The following CLUH variants were observed in gnomAD, a reference collection of about 807,000 sequenced individuals.
CLUH encodes CLUH binding protein of NUMT mRNA.
In CLUH, 77 loss-of-function variants were observed where a neutral mutation model predicts 139.3. The observed-to-expected ratio is 0.55, with a 90% CI of 0.46 to 0.67. The LOEUF (loss-of-function observed/expected upper bound fraction) is 0.67. Ranked by LOEUF, CLUH falls within the 30% of genes least tolerant of loss-of-function variation. The pLI is 0.00. For synonymous variants in CLUH, 999 were observed against 801.6 expected (o/e 1.25, Z -4.16); for missense variants, 1,876 against 1,875.8 (o/e 1.00, Z 0.00).
rs781728255 is a variant in CLUH, at chr17:2,701,983, C to T, written c.550G>A (p.Asp184Asn). 3.1e-6 allele frequency: 5 copies of T among 1,613,870 alleles called. No individual in the cohort carries two copies. The South Asian group carries it at 3.3e-5, about 11-fold the overall frequency. ...RDLLKSLDPS[D>N]AFNGVDCNSL... ...TTGCAGTCAACCCCGTTGAAGGCATCGGATGGGTCCAGGCTCTTGAGCAGG... is the reference window on the plus strand; with the variant it reads ...TTGCAGTCAACCCCGTTGAAGGCATTGGATGGGTCCAGGCTCTTGAGCAGG... Residue 184 changes from aspartate to asparagine, a missense_variant, in exon 4 of 26, where the codon GAT (aspartate) becomes AAT (asparagine). Asp to Asn is a conservative substitution (Grantham distance 23). Around this residue, in one of 3 missense-constraint regions of CLUH, gnomAD observed 270 missense variants for 354.7 expected, o/e 0.76. Coordinates refer to ENST00000651024, the MANE Select transcript of CLUH (RefSeq NM_001366661.1).
Position 2,694,567 on chromosome 17 carries a change from G to T in CLUH, c.2853-3C>A. ...CCACAGCCTGGTCCACGGTCTCACTGAGGAGGGAGCAGGGGGCCTGAGCAG... is the reference window on the plus strand; with the variant it reads ...CCACAGCCTGGTCCACGGTCTCACTTAGGAGGGAGCAGGGGGCCTGAGCAG... On this transcript the variant is annotated splice_region_variant and splice_polypyrimidine_tract_variant and intron_variant, in intron 16 of 25. Transcript: ENST00000651024. 1 of 1,571,662 alleles carries T rather than the reference G, an allele frequency of 6.4e-7. No homozygotes were observed.
rs1336772468 is a variant in CLUH at position 2,707,195 on chromosome 17, T to C, written c.101-2631A>G. On this transcript the variant is annotated intron_variant, in intron 1 of 25. Coordinates refer to ENST00000651024, the MANE Select transcript of CLUH (RefSeq NM_001366661.1). The surrounding 1 kb of genome is among the most constrained non-coding windows in gnomAD (Gnocchi z 7.4). ...CACCTGGTGCAGTTGGCAGCTGCCC[T>C]CCCCTCGGCTCTGGAGTCTCAGGAT... 2.0e-6 allele frequency: 2 copies of C among 985,212 alleles called. No homozygotes were observed. The highest frequency in any genetic ancestry group is 2.3e-4 in the East Asian group (2 of 8,812). The allele number at this position is 985,212 out of a possible 1,614,324, so 61.0% of individuals were successfully genotyped here. A position where few individuals can be genotyped will look rare whatever the true frequency, so the allele number is the denominator to read the frequency against.
chr17:2,698,868 A>AC (rs2070073222), intron 9 of CLUH, among the ~76,000 whole-genome samples: 1 of 151,884 alleles, frequency 6.6e-6, no homozygotes, highest in Admixed American at 6.6e-5. Context: ...ATATGGTGAA[A>AC]CCCCATCTCT....
At chr17:2,701,096 C>T in intron 7 of CLUH, 44 bp downstream of exon 7, 1 of 1,612,824 alleles carries the variant, frequency 6.2e-7, no homozygotes, top group Non-Finnish European at 8.5e-7. Context: ...CACCCCATGC[C>T]CCCGTGTGCC....
rs369972919 is a variant in CLUH, at chr17:2,698,131, C to A, written c.1726G>T (p.Asp576Tyr). 3.1e-6 allele frequency: 5 copies of A among 1,589,678 alleles called. No homozygotes were observed. The South Asian group carries it at 5.7e-5, about 18-fold the overall frequency. ...LKILRHQVLN[D>Y]RDEEVELCSS... ...CAGAGCTCCACCTCCTCGTCACGGT[C>A]GTTGAGCACCTGGTGCCGCAGGATC... is the stretch of plus-strand genomic sequence containing the variant. Residue 576 changes from aspartate to tyrosine, a missense_variant, in exon 10 of 26, where the codon GAC becomes TAC. Around this residue, in one of 3 missense-constraint regions of CLUH, gnomAD observed 1,454 missense variants for 1,384.4 expected, o/e 1.05. Transcript: ENST00000651024.
chr17:2,691,465 G>C (rs2069629685), intron 25 of CLUH, 144 bp downstream of exon 25: 1 of 784,872 alleles, frequency 1.3e-6, no homozygotes, highest in African/African-American at 1.7e-5. Flanking sequence ...GGGAGGCTGA[G>C]GCAGGAGAAT....
In CLUH at chr17:2,701,949, G is replaced by A; in HGVS notation, c.584C>T (p.Ser195Phe). 1 of 1,613,988 alleles carries A rather than the reference G, an allele frequency of 6.2e-7. No homozygotes were observed. Among genetic ancestry groups the A allele is most frequent in the Non-Finnish European group, 8.5e-7 (1 of 1,179,910 alleles). ...GCCGTCGGTGAAGACACTCAGGAAG[G>A]ACAAGGAGTTGCAGTCAACCCCGTT... The part of the protein sequence containing the change: ...AFNGVDCNSL[S>F]FLSVFTDGDL... The change falls in exon 4 of 26, where the codon TCC (serine) becomes TTC (phenylalanine). Residue 195 changes from serine (S) to phenylalanine (F), a missense_variant. Physicochemically the swap from Ser to Phe is radical, Grantham distance 155. Transcript: ENST00000651024.
Position 2,707,572 on chromosome 17 carries a change from C to G in CLUH, c.101-3008G>C. On this transcript the variant is annotated intron_variant, in intron 1 of 25. Coordinates refer to ENST00000651024, the MANE Select transcript of CLUH (RefSeq NM_001366661.1). The surrounding 1 kb of genome is among the most constrained non-coding windows in gnomAD (Gnocchi z 7.4). ...AAGCCGCTAGGGGGATCGGAGAACC[C>G]AGAATTTGGGGTACCTGGACCCCTC... 1 of 985,372 alleles carries G rather than the reference C, an allele frequency of 1.0e-6. No individual in the cohort carries two copies. Among genetic ancestry groups the G allele is most frequent in the South Asian group, 4.7e-5 (1 of 21,288 alleles). 61.0% of individuals were successfully genotyped at this position (985,372 alleles called of 1,614,324 possible). A position where few individuals can be genotyped will look rare whatever the true frequency, so the allele number is the denominator to read the frequency against.
chr17:2,698,328 G>A lies in CLUH; in HGVS notation c.1529C>T (p.Thr510Met), dbSNP rs781287655. The A allele has an allele frequency of 1.9e-6, 3 of 1,613,050 alleles. No individual in the cohort carries two copies. The highest frequency in any genetic ancestry group is 2.5e-6 in the Non-Finnish European group (3 of 1,179,738). The change falls in exon 10 of 26, where the codon ACG becomes ATG. Residue 510 changes from threonine to methionine, a missense_variant. Around this residue, in one of 3 missense-constraint regions of CLUH, gnomAD observed 1,454 missense variants for 1,384.4 expected, o/e 1.05. Transcript: ENST00000651024. ...VDVEGLYTLG[T>M]VVVDYRGYRV... ...GTAGCCGCGGTAATCCACCACCACC[G>A]TGCCCAGCGTGTACAGCCCCTCCAC...
chr17:2,705,267 G>A (rs989437048), intron 1 of CLUH, among the ~76,000 whole-genome samples: 3 of 151,886 alleles, frequency 2.0e-5, no homozygotes, highest in African/African-American at 4.8e-5. Context: ...ACCCACCCAC[G>A]GGACCCGGCC....
intron 25 of CLUH, among the ~76,000 whole-genome samples, chr17:2,691,263 G>A (rs549021548): frequency 3.4e-4 from 52 of 152,314 alleles, no homozygotes; most frequent in African/African-American, 1.1e-3. Context: ...CGAGGATGCT[G>A]GGGAAGATAA....
chr17:2,702,719 G>A lies in CLUH; in HGVS notation c.475+599C>T, dbSNP rs539491736. ...CCTCCCCACTCTAGGGCTAGGAAAC[G>A]TTTGGGACTTCTCATGGATCTCTAC... is the stretch of plus-strand genomic sequence containing the variant. On this transcript the variant is annotated intron_variant, in intron 3 of 25. Coordinates refer to ENST00000651024, the MANE Select transcript of CLUH (RefSeq NM_001366661.1). Among the ~76,000 whole-genome samples the A allele has an allele frequency of 2.1e-4, 32 of 151,762 alleles. No individual in the cohort carries two copies. In the South Asian group the frequency reaches 2.9e-3, roughly 14 times the overall value.
chr17:2,698,622 G>A (rs775491651), intron 9 of CLUH, 32 bp from the exon 10 acceptor site: 8 of 1,525,470 alleles, frequency 5.2e-6, no homozygotes, highest in South Asian at 1.2e-5. Context: ...AGGGTTAGAG[G>A]CCGCGCCCAC....
In CLUH at chr17:2,694,968, T is replaced by G; in HGVS notation, c.2741A>C (p.Asn914Thr). ...VSKKRNKRRK[N>T]RPPGAADNTA... ...GTTATCTGCAGCCCCCGGGGGCCGG[T>G]TTTTCCTCCTCTTATTCCGCTTCTT... The change falls in exon 16 of 26, where the codon AAC (asparagine) becomes ACC (threonine). Residue 914 changes from asparagine (N) to threonine (T), a missense_variant. Coordinates refer to ENST00000651024, the MANE Select transcript of CLUH (RefSeq NM_001366661.1). 3.1e-6 allele frequency: 5 copies of G among 1,612,764 alleles called. No homozygotes were observed. Among genetic ancestry groups the G allele is most frequent in the Non-Finnish European group, 3.4e-6 (4 of 1,179,484 alleles).
At chr17:2,694,796 A>T in intron 16 of CLUH, 61 bp downstream of exon 16, 1 of 1,460,054 alleles carries the variant, frequency 6.8e-7, no homozygotes, top group Non-Finnish European at 9.1e-7. Context: ...ATCTGGGAGC[A>T]GGTGGTGGCC....
At chr17:2,691,543 A>G in intron 25 of CLUH, 66 bp downstream of exon 25, 1 of 1,493,210 alleles carries the variant, frequency 6.7e-7, no homozygotes, top group Non-Finnish European at 9.2e-7. Flanking sequence ...CCCGGGTGAC[A>G]GGGCGAGACT....
At position 2,700,747 on chromosome 17, in the gene CLUH, G is replaced by T; in HGVS notation, c.1104C>A (p.Ala368=). Residue 368 remains alanine (A), a synonymous_variant, in exon 8 of 26, where the codon GCC becomes GCA. Coordinates refer to ENST00000651024, the MANE Select transcript of CLUH (RefSeq NM_001366661.1). The stretch of plus-strand genomic sequence containing the variant: ...CGTCCTCTGCACGCACGCAATCCAT[G>T]GCATGCTCCGCCTGGGGGGCTGTCC... ...YSWTAPQAEH[A]MDCVRAEDAY... The T allele has an allele frequency of 1.3e-6, 2 of 1,545,800 alleles. No homozygotes were observed. Among genetic ancestry groups the T allele is most frequent in the Non-Finnish European group, 1.7e-6 (2 of 1,151,620 alleles).
At position 2,706,556 on chromosome 17, in the gene CLUH, C is replaced by T. The variant is rs1019986979; in HGVS notation, c.101-1992G>A. ...GACTCCCAGGAACCACGAGGATGTA[C>T]AAAGACCTCCCTTCCAGGATCCAAC... is the stretch of plus-strand genomic sequence containing the variant. On this transcript the variant is annotated intron_variant, in intron 1 of 25. Coordinates refer to ENST00000651024, the MANE Select transcript of CLUH (RefSeq NM_001366661.1). This position sits in a 1 kb window ranked among gnomAD's most constrained non-coding sequence, Gnocchi z 4.6. 6.6e-6 allele frequency among the ~76,000 whole-genome samples: 1 copy of T among 152,164 alleles called. No homozygotes were observed. Among genetic ancestry groups the T allele is most frequent in the Non-Finnish European group, 1.5e-5 (1 of 68,022 alleles).
chr17:2,703,530 G>A lies in CLUH; in HGVS notation c.304-41C>T, dbSNP rs201878021. Reference sequence around the variant, plus strand: ...CCCGCCCACCCCGGTGAGAGAGCACGTAGCGGGGAGAGAAGGCCCCAACCG... The same window carrying A: ...CCCGCCCACCCCGGTGAGAGAGCACATAGCGGGGAGAGAAGGCCCCAACCG... On this transcript the variant is annotated intron_variant, in intron 2 of 25. Coordinates refer to ENST00000651024, the MANE Select transcript of CLUH (RefSeq NM_001366661.1). The surrounding 1 kb of genome is among the most constrained non-coding windows in gnomAD (Gnocchi z 4.2). 1.7e-5 allele frequency: 27 copies of A among 1,593,366 alleles called. No individual in the cohort carries two copies. The highest frequency in any genetic ancestry group is 2.2e-5 in the South Asian group (2 of 89,888).
Sources: gnomAD v4.1 joint callset for allele counts (sites outside exome capture counted in the v4.1 genomes callset) on GRCh38, gnomAD v4.1.1 for gene constraint, gnomAD v4.1.1 regional missense constraint, Gnocchi (gnomAD v3.1) non-coding constraint, MANE v1.5 for transcripts, NCBI Gene and HGNC (gene_info 2026-07-23, HGNC 2026-07-21) for gene names.